The following P4HA3 variants were observed in gnomAD, a reference collection of about 807,000 sequenced individuals.
P4HA3 encodes the protein prolyl 4-hydroxylase subunit alpha 3.
In P4HA3, 60 loss-of-function variants were observed where a neutral mutation model predicts 66.7. The observed-to-expected ratio is 0.90, with a 90% CI of 0.73 to 1.12. The LOEUF (loss-of-function observed/expected upper bound fraction) is 1.12, where lower values mean the gene tolerates loss of function less well. Ranked by LOEUF, P4HA3 falls within the 50% of genes most tolerant of loss-of-function variation. The pLI is 0.00. For missense variants in P4HA3, 683 were observed against 685.8 expected (o/e 1.00, Z 0.05); for synonymous variants, 263 against 274.6 (o/e 0.96, Z 0.42).
chr11:74,286,943 G>C (rs1443314263), intron 5 of P4HA3, among the ~76,000 whole-genome samples: 2 of 152,214 alleles, frequency 1.3e-5, no homozygotes, highest in Non-Finnish European at 2.9e-5. Flanking sequence ...TTCTTCCCCA[G>C]AGAATTGGAA....
At chr11:74,302,873 G>A (rs2134820866) in intron 2 of P4HA3, among the ~76,000 whole-genome samples, 1 of 152,228 alleles carries the variant, frequency 6.6e-6, no homozygotes, top group Non-Finnish European at 1.5e-5. Flanking sequence ...TCTTTAGGGA[G>A]ACAACTCTTC....
chr11:74,286,774 A>T (rs1860815955), intron 5 of P4HA3, among the ~76,000 whole-genome samples: 1 of 152,244 alleles, frequency 6.6e-6, no homozygotes, highest in African/African-American at 2.4e-5. Context: ...TTCAGTGAAC[A>T]TCTACTATGT....
At chr11:74,297,334 G>A (rs1196772488) in intron 4 of P4HA3, among the ~76,000 whole-genome samples, 4 of 152,112 alleles carry the variant, frequency 2.6e-5, no homozygotes, top group African/African-American at 9.7e-5. Context: ...TGCACTGAGA[G>A]TAAATCTGTT....
At position 74,283,205 on chromosome 11, in the gene P4HA3, T is replaced by A. The variant is rs183896399; in HGVS notation, c.1110+2604A>T. Among the ~76,000 whole-genome samples the A allele has an allele frequency of 3.1e-3, 477 of 152,160 alleles. 3 individuals are homozygous for A. The Middle Eastern group carries it at 0.034, about 11-fold the overall frequency. On this transcript the variant is annotated intron_variant, in intron 7 of 12. Coordinates refer to ENST00000331597, the MANE Select transcript of P4HA3 (RefSeq NM_182904.5). ...TCTAGGGGAAGGAAGTGTGCCAAGATCTGTGCATGCTAAATGGACGACATG... is the reference window on the plus strand; with the variant it reads ...TCTAGGGGAAGGAAGTGTGCCAAGAACTGTGCATGCTAAATGGACGACATG...
downstream of P4HA3, among the ~76,000 whole-genome samples, chr11:74,262,757 C>T (rs1004456754): frequency 1.3e-5 from 2 of 152,008 alleles, no homozygotes; most frequent in African/African-American, 4.8e-5. Flanking sequence ...CTCTCCCCAC[C>T]CCAGCTCCTA....
At chr11:74,262,917 C>T (rs1449927813), downstream of P4HA3, among the ~76,000 whole-genome samples, 1 of 152,244 alleles carries the variant, frequency 6.6e-6, no homozygotes, top group Admixed American at 6.5e-5. Context: ...GCTTCCTCCT[C>T]CCAGACAGCT....
intron 12 of P4HA3, 33 bp downstream of exon 12, chr11:74,268,112 C>A (rs766044870): frequency 6.4e-7 from 1 of 1,573,808 alleles, no homozygotes; most frequent in Non-Finnish European, 8.7e-7. Context: ...GCACCCTGTA[C>A]CCCCTTCTCA....
At chr11:74,302,282 A>T in intron 3 of P4HA3, 87 bp downstream of exon 3, 1 of 1,224,614 alleles carries the variant, frequency 8.2e-7, no homozygotes, top group Non-Finnish European at 1.1e-6. Flanking sequence ...TGTAAGTATT[A>T]AAAAGAAGTA....
rs1354601262 is a variant in P4HA3 at position 74,277,120 on chromosome 11, G to T, written c.1200C>A (p.Asp400Glu). The change falls in exon 9 of 13, where the codon GAC becomes GAA. Residue 400 changes from aspartate to glutamate, a missense_variant. Asp to Glu is a conservative substitution (Grantham distance 45). Coordinates refer to ENST00000331597, the MANE Select transcript of P4HA3 (RefSeq NM_182904.5). ...GGTGGTTGAGGGTCACCAGTTTTGG[G>T]TCAACAGTGTCCTTCAGCCAGGCAC... ...SKSAWLKDTV[D>E]PKLVTLNHRI... 6.2e-7 allele frequency: 1 copy of T among 1,613,884 alleles called. No individual in the cohort carries two copies. The highest frequency in any genetic ancestry group is 8.5e-7 in the Non-Finnish European group (1 of 1,179,922).
At chr11:74,260,015 C>T (rs1222079496) in exon 15 of P4HA3, 1 of 152,256 alleles carries the variant, frequency 6.6e-6, no homozygotes, top group African/African-American at 2.4e-5. Context: ...CACCATTTCA[C>T]ATTCCCACCA....
intron 7 of P4HA3, among the ~76,000 whole-genome samples, chr11:74,282,223 G>T (rs1353211998): frequency 6.6e-6 from 1 of 151,182 alleles, no homozygotes; most frequent in Admixed American, 6.6e-5. Context: ...ATCATTAATT[G>T]TCTACCTACC....
At chr11:74,288,040 A>G (rs1318956886) in intron 5 of P4HA3, among the ~76,000 whole-genome samples, 1 of 152,098 alleles carries the variant, frequency 6.6e-6, no homozygotes, top group Admixed American at 6.6e-5. Context: ...ACAAACAAAC[A>G]AAAAAACCAC....
At chr11:74,311,029 G>A (rs1052896754) in intron 1 of P4HA3, among the ~76,000 whole-genome samples, 3 of 152,100 alleles carry the variant, frequency 2.0e-5, no homozygotes, top group Non-Finnish European at 4.4e-5. Context: ...GCTTTGCACA[G>A]CACATTGTGA....
chr11:74,282,142 A>AAG (rs1204525830), intron 7 of P4HA3, among the ~76,000 whole-genome samples: 1 of 149,012 alleles, frequency 6.7e-6, no homozygotes, highest in East Asian at 2.0e-4. Flanking sequence ...AAAAAAAAAA[A>AAG]CAAAAAAAAA....
At position 74,269,716 on chromosome 11, in the gene P4HA3, C is replaced by A; in HGVS notation, c.1403G>T (p.Ser468Ile). The A allele has an allele frequency of 1.9e-6, 3 of 1,613,912 alleles. No individual in the cohort carries two copies. The highest frequency in any genetic ancestry group is 1.3e-5 in the African/African-American group (1 of 75,042). ...TGTGGCTCCTCCAGCTTCCACCGAGCTCAGCTACAAGACCAGAGGAAGAAG... is the reference window on the plus strand; with the variant it reads ...TGTGGCTCCTCCAGCTTCCACCGAGATCAGCTACAAGACCAGAGGAAGAAG... ...NRVATFMIYLSSVEAGGATAF... is the reference protein window; with the variant it reads ...NRVATFMIYLISVEAGGATAF... Residue 468 changes from serine (S) to isoleucine (I), a missense_variant, in exon 11 of 13, where the codon AGC (serine) becomes ATC (isoleucine). Ser to Ile is a moderately radical substitution (Grantham distance 142). Coordinates refer to ENST00000331597, the MANE Select transcript of P4HA3 (RefSeq NM_182904.5).
chr11:74,252,056 T>G (rs1859688386), intron 15 of P4HA3, among the ~76,000 whole-genome samples: 1 of 151,628 alleles, frequency 6.6e-6, no homozygotes, highest in African/African-American at 2.4e-5. Flanking sequence ...TTCTTTGGCT[T>G]CTCCTGCCCT....
intron 10 of P4HA3, among the ~76,000 whole-genome samples, chr11:74,272,146 C>A (rs556874068): frequency 2.0e-5 from 3 of 152,168 alleles, no homozygotes; most frequent in African/African-American, 7.2e-5. Flanking sequence ...TCCACTCTGT[C>A]TCAAATACTT....
In P4HA3 at chr11:74,286,217, A is replaced by T; in HGVS notation, c.933+11T>A. 6.2e-7 allele frequency: 1 copy of T among 1,610,146 alleles called. No homozygotes were observed. The highest frequency in any genetic ancestry group is 8.5e-7 in the Non-Finnish European group (1 of 1,178,900). On this transcript the variant is annotated intron_variant, in intron 6 of 12. Coordinates refer to ENST00000331597, the MANE Select transcript of P4HA3 (RefSeq NM_182904.5). ...GCCTCTCCCCCTTTCTCTTTCCCTG[A>T]GGAATCCTACCTGGGAACCCAGGGT...
chr11:74,273,667 G>T, intron 9 of P4HA3, 60 bp from the exon 10 acceptor site: 2 of 1,344,562 alleles, frequency 1.5e-6, no homozygotes, highest in Non-Finnish European at 1.0e-6. Flanking sequence ...GGGACAGGCA[G>T]GATTCCACTA....
Sources: gnomAD v4.1 joint callset for allele counts (sites outside exome capture counted in the v4.1 genomes callset) on GRCh38, gnomAD v4.1.1 for gene constraint, MANE v1.5 for transcripts, NCBI Gene and HGNC (gene_info 2026-07-23, HGNC 2026-07-21) for gene names.